The following EPB41L2 variants were observed in gnomAD, a reference collection of about 807,000 sequenced individuals.
EPB41L2 encodes the protein erythrocyte membrane protein band 4.1 like 2.
In EPB41L2, 43 loss-of-function variants were observed where a neutral mutation model predicts 113.0. The ratio of observed to expected loss-of-function variants is 0.38; its 90% CI spans 0.30 to 0.49. EPB41L2 has a LOEUF of 0.49. Among genes scored for constraint, EPB41L2 ranks in the 20% least tolerant of loss-of-function variants. The probability of loss-of-function intolerance (pLI) is 0.95; values close to 1 mark genes in which losing one functional copy is unlikely to be tolerated. For missense variants in EPB41L2, 1,147 were observed against 1,223.4 expected (o/e 0.94, Z 0.93); for synonymous variants, 442 against 436.7 (o/e 1.01, Z -0.15).
chr6:130,933,490 C>CT (rs1380960396), intron 3 of EPB41L2, among the ~76,000 whole-genome samples: 1 of 152,060 alleles, frequency 6.6e-6, no homozygotes, highest in African/African-American at 2.4e-5. Flanking sequence ...GGGTTGAAAA[C>CT]TTTAAAACAA....
At chr6:130,886,943 T>A (rs1485489764) in intron 11 of EPB41L2, among the ~76,000 whole-genome samples, 1 of 152,150 alleles carries the variant, frequency 6.6e-6, no homozygotes, top group East Asian at 1.9e-4. Flanking sequence ...TCCAGCAGTT[T>A]TTTTTAATAA....
chr6:130,891,467 GAGA>G (rs1284310190), intron 10 of EPB41L2, among the ~76,000 whole-genome samples: 1 of 139,500 alleles, frequency 7.2e-6, no homozygotes, highest in Admixed American at 7.2e-5. Flanking sequence ...TTAATTTTTT[GAGA>G]AGGAGTCTCG....
chr6:130,920,455 C>T (rs1021997031), intron 4 of EPB41L2, among the ~76,000 whole-genome samples: 1 of 152,110 alleles, frequency 6.6e-6, no homozygotes, highest in Non-Finnish European at 1.5e-5. Context: ...CAGCCAAACA[C>T]TTCTTTAAAC....
At chr6:130,853,400 G>A (rs1202681074) in intron 19 of EPB41L2, among the ~76,000 whole-genome samples, 3 of 152,116 alleles carry the variant, frequency 2.0e-5, no homozygotes, top group East Asian at 1.9e-4. Flanking sequence ...CCTCCTGATC[G>A]GGACCGTTTG....
At chr6:130,918,429 C>T (rs1249232039) in intron 4 of EPB41L2, among the ~76,000 whole-genome samples, 1 of 152,028 alleles carries the variant, frequency 6.6e-6, no homozygotes, top group African/African-American at 2.4e-5. Context: ...GAGTCCAAAA[C>T]CCTTAACGAT....
At chr6:131,045,420 C>T (rs1172141234) in intron 1 of EPB41L2, among the ~76,000 whole-genome samples, 1 of 137,224 alleles carries the variant, frequency 7.3e-6, no homozygotes, top group African/African-American at 2.5e-5. Context: ...AAATGCAGAA[C>T]TCAAGAGAAA....
rs140377793 is a variant in EPB41L2 at position 130,850,267 on chromosome 6, G to A, written c.*5+7864C>T. 2.3e-4 allele frequency among the ~76,000 whole-genome samples: 35 copies of A among 152,152 alleles called. 1 individual carries two copies. Among genetic ancestry groups the A allele is most frequent in the Admixed American group, 2.0e-4 (3 of 15,264 alleles). On this transcript the variant is annotated intron_variant, in intron 19 of 19. Transcript: ENST00000337057. ...AAAACAAAGACAAAAAACAACCTTC[G>A]TGGCATACCAACTCCACTTTTAAAC...
At chr6:130,853,531 A>G (rs969172352) in intron 19 of EPB41L2, among the ~76,000 whole-genome samples, 1 of 152,218 alleles carries the variant, frequency 6.6e-6, no homozygotes, top group African/African-American at 2.4e-5. Flanking sequence ...TTAAAAAGTT[A>G]CAAAGATTTA....
intron 1 of EPB41L2, among the ~76,000 whole-genome samples, chr6:130,973,012 T>TGA (rs1777274164): frequency 6.7e-6 from 1 of 149,770 alleles, no homozygotes; most frequent in South Asian, 2.1e-4. Context: ...CTCGGGAGTC[T>TGA]GAGGCAGAAG....
intron 19 of EPB41L2, among the ~76,000 whole-genome samples, chr6:130,855,703 G>C (rs1780018257): frequency 6.6e-6 from 1 of 152,104 alleles, no homozygotes; most frequent in African/African-American, 2.4e-5. Context: ...TTATGTTCAA[G>C]GAAAAGAAGG....
chr6:130,989,793 C>T (rs569060644), intron 1 of EPB41L2, among the ~76,000 whole-genome samples: 1 of 152,096 alleles, frequency 6.6e-6, no homozygotes, highest in South Asian at 2.1e-4. Context: ...GTCAGTGGAA[C>T]GAAGTGGATA....
Position 130,899,516 on chromosome 6 carries a change from T to C in EPB41L2, c.1211A>G (p.Tyr404Cys), listed in dbSNP as rs755230935. 1 of 1,613,944 alleles carries C rather than the reference T, an allele frequency of 6.2e-7. No individual in the cohort carries two copies. The highest frequency in any genetic ancestry group is 8.5e-7 in the Non-Finnish European group (1 of 1,179,840). Residue 404 changes from tyrosine (Y) to cysteine (C), a missense_variant, in exon 8 of 20, where the codon TAT becomes TGT. Coordinates refer to ENST00000337057, the MANE Select transcript of EPB41L2 (RefSeq NM_001431.4). ...CTTGGCATGATGTAGGTCAACACCA[T>C]ACATGGAAAGCCTCTTTGCATTTTC... ...FLENAKRLSM[Y>C]GVDLHHAKDS... is the part of the protein sequence containing the mutation.
At chr6:130,961,277 A>T (rs1773443272) in intron 1 of EPB41L2, among the ~76,000 whole-genome samples, 1 of 152,204 alleles carries the variant, frequency 6.6e-6, no homozygotes, top group African/African-American at 2.4e-5. Context: ...GTTTTGACAC[A>T]ATTACCATGT....
Position 131,059,351 on chromosome 6 carries a change from T to C in EPB41L2, c.-15+3804A>G, listed in dbSNP as rs567241392. On this transcript the variant is annotated intron_variant, in intron 1 of 19. Transcript: ENST00000337057. Reference sequence around the variant, plus strand: ...GGATGGTCTCGATCTCCTGACCTCATGATCCACCCGCCTCAGCCTCCCAAA... The same window carrying C: ...GGATGGTCTCGATCTCCTGACCTCACGATCCACCCGCCTCAGCCTCCCAAA... Among the ~76,000 whole-genome samples, 15 of 152,270 alleles carry C rather than the reference T, an allele frequency of 9.9e-5. No homozygotes were observed. The South Asian group carries it at 2.5e-3, about 25-fold the overall frequency.
chr6:131,052,002 T>A (rs1796666161), intron 1 of EPB41L2, among the ~76,000 whole-genome samples: 1 of 151,382 alleles, frequency 6.6e-6, no homozygotes, highest in African/African-American at 2.4e-5. Flanking sequence ...AGTGGCATGA[T>A]CTCGGCTCAC....
At chr6:130,906,417 A>C (rs1797742669) in intron 5 of EPB41L2, among the ~76,000 whole-genome samples, 1 of 152,234 alleles carries the variant, frequency 6.6e-6, no homozygotes, top group African/African-American at 2.4e-5. Flanking sequence ...GACCTAATTA[A>C]CATATGCATT....
intron 1 of EPB41L2, among the ~76,000 whole-genome samples, chr6:130,987,235 A>G (rs1780769837): frequency 1.3e-5 from 2 of 152,212 alleles, no homozygotes; most frequent in African/African-American, 4.8e-5. Context: ...TCTGCTGGGC[A>G]TATACTTATG....
At chr6:130,987,733 ATGT>A (rs909754732) in intron 1 of EPB41L2, among the ~76,000 whole-genome samples, 3 of 140,588 alleles carry the variant, frequency 2.1e-5, no homozygotes, top group East Asian at 2.1e-4. Context: ...GAATGAATGA[ATGT>A]TGTTCTGAGA....
At chr6:130,893,977 G>C (rs1368955606) in intron 10 of EPB41L2, among the ~76,000 whole-genome samples, 2 of 152,160 alleles carry the variant, frequency 1.3e-5, no homozygotes, top group African/African-American at 4.8e-5. Flanking sequence ...TCAGAAAGTG[G>C]AGCTCTAGAC....
Sources: gnomAD v4.1 joint callset for allele counts (sites outside exome capture counted in the v4.1 genomes callset) on GRCh38, gnomAD v4.1.1 for gene constraint, MANE v1.5 for transcripts, NCBI Gene and HGNC (gene_info 2026-07-23, HGNC 2026-07-21) for gene names.